HEATR5A: variants seen among roughly 807,000 people sequenced by gnomAD.
The protein encoded by HEATR5A is HEAT repeat-containing protein 5A.
Under a neutral mutation model 218.8 loss-of-function variants are expected in HEATR5A, and 178 were observed. That is an observed-to-expected ratio of 0.81 (90% CI 0.72 to 0.92). HEATR5A has a LOEUF of 0.92. Among genes scored for constraint, HEATR5A ranks in the 40% least tolerant of loss-of-function variants. HEATR5A has a pLI of 0.00. For missense variants in HEATR5A, 2,420 were observed against 2,418.9 expected, an observed-to-expected ratio of 1.00 and a Z score of -0.01; for synonymous variants, 864 against 871.6, an observed-to-expected ratio of 0.99 and a Z score of 0.15.
chr14:31,338,623 G>A (rs1481560046), intron 21 of HEATR5A, among the ~76,000 whole-genome samples: 6 of 152,040 alleles, frequency 3.9e-5, no homozygotes, highest in Admixed American at 3.9e-4. Flanking sequence ...AGATCAGTCT[G>A]GTATGTTCTA....
chr14:31,415,143 C>T (rs1259160578), intron 1 of HEATR5A, among the ~76,000 whole-genome samples: 8 of 152,112 alleles, frequency 5.3e-5, no homozygotes, highest in Non-Finnish European at 1.2e-4. Flanking sequence ...CGGCTGGTTC[C>T]TACTTTTAAT....
At chr14:31,385,160 C>A (rs774275084) in intron 9 of HEATR5A, among the ~76,000 whole-genome samples, 2 of 152,208 alleles carry the variant, frequency 1.3e-5, no homozygotes, top group Non-Finnish European at 2.9e-5. Flanking sequence ...GGGTCTCACT[C>A]TGTCACCCAG....
At chr14:31,407,226 G>A (rs2031101916) in intron 1 of HEATR5A, among the ~76,000 whole-genome samples, 1 of 152,148 alleles carries the variant, frequency 6.6e-6, no homozygotes, top group South Asian at 2.1e-4. Context: ...AGGAGGTTGA[G>A]GCAACAGCAA....
chr14:31,419,818 G>A (rs762352827), intron 1 of HEATR5A, among the ~76,000 whole-genome samples: 1 of 152,248 alleles, frequency 6.6e-6, no homozygotes, highest in Non-Finnish European at 1.5e-5. Context: ...AGAGTAGGGT[G>A]AAAGAAAATG....
intron 6 of HEATR5A, among the ~76,000 whole-genome samples, chr14:31,392,927 G>A (rs1004160269): frequency 2.0e-5 from 3 of 152,238 alleles, no homozygotes; most frequent in Non-Finnish European, 4.4e-5. Context: ...GGCGGAGAAA[G>A]TAGTAAGCTG....
chr14:31,420,248 C>T (rs2031603212), intron 1 of HEATR5A: 1 of 152,482 alleles, frequency 6.6e-6, no homozygotes, highest in Admixed American at 6.5e-5. Flanking sequence ...TCAGCCCCTT[C>T]TCGGCGGACT....
chr14:31,404,288 C>T (rs1008194549), intron 1 of HEATR5A, among the ~76,000 whole-genome samples: 6 of 152,122 alleles, frequency 3.9e-5, no homozygotes, highest in African/African-American at 1.2e-4. Context: ...AGATAAAATG[C>T]TATGGCTAAT....
At chr14:31,418,101 G>A (rs1449845879) in intron 1 of HEATR5A, among the ~76,000 whole-genome samples, 2 of 151,694 alleles carry the variant, frequency 1.3e-5, no homozygotes, top group South Asian at 4.2e-4. Flanking sequence ...CCAGCTACTC[G>A]GGAGGCTAAG....
intron 21 of HEATR5A, among the ~76,000 whole-genome samples, chr14:31,341,857 C>T (rs936223099): frequency 3.9e-5 from 6 of 151,996 alleles, no homozygotes; most frequent in Admixed American, 2.6e-4. Flanking sequence ...GGCAGTATCA[C>T]TTAATTTAAA....
chr14:31,408,562 A>C (rs1203463378), intron 1 of HEATR5A, among the ~76,000 whole-genome samples: 1 of 152,002 alleles, frequency 6.6e-6, no homozygotes, highest in Non-Finnish European at 1.5e-5. Flanking sequence ...GAACTATATG[A>C]AACTGCCATT....
chr14:31,316,543 T>C (rs1899919176), intron 26 of HEATR5A, among the ~76,000 whole-genome samples: 1 of 152,224 alleles, frequency 6.6e-6, no homozygotes, highest in African/African-American at 2.4e-5. Flanking sequence ...GATGTATTAA[T>C]ATGGAGAAAT....
chr14:31,349,235 C>T (rs1321122277), intron 18 of HEATR5A, among the ~76,000 whole-genome samples: 1 of 152,046 alleles, frequency 6.6e-6, no homozygotes, highest in African/African-American at 2.4e-5. Flanking sequence ...TAAAAAAATA[C>T]AAAAAGTAGC....
chr14:31,320,647 C>T (rs1900066911), intron 25 of HEATR5A: 2 of 640,716 alleles, frequency 3.1e-6, no homozygotes, highest in Admixed American at 4.0e-5. Flanking sequence ...TTTCAGTCTC[C>T]CAGCTTTAGC....
intron 1 of HEATR5A, among the ~76,000 whole-genome samples, chr14:31,411,446 T>C (rs2031268727): frequency 6.6e-6 from 1 of 152,028 alleles, no homozygotes; most frequent in African/African-American, 2.4e-5. Context: ...AAACTACGAG[T>C]GCAGAAGTTT....
chr14:31,375,287 T>C (rs1902185343), intron 11 of HEATR5A, among the ~76,000 whole-genome samples: 1 of 152,210 alleles, frequency 6.6e-6, no homozygotes, highest in Non-Finnish European at 1.5e-5. Flanking sequence ...TGCTTGTCTT[T>C]AAGGGCTTGT....
At chr14:31,395,556 A>T (rs1351548291) in intron 4 of HEATR5A, among the ~76,000 whole-genome samples, 3 of 152,200 alleles carry the variant, frequency 2.0e-5, no homozygotes, top group Non-Finnish European at 4.4e-5. Flanking sequence ...CATGATACAA[A>T]TTTCACAGGG....
intron 33 of HEATR5A, among the ~76,000 whole-genome samples, chr14:31,299,408 A>G (rs1447831803): frequency 6.6e-6 from 1 of 152,186 alleles, no homozygotes; most frequent in African/African-American, 2.4e-5. Context: ...AAATCCAAGC[A>G]TATTACTTTC....
At chr14:31,390,841 T>C (rs1285668930) in intron 6 of HEATR5A, among the ~76,000 whole-genome samples, 1 of 150,460 alleles carries the variant, frequency 6.6e-6, no homozygotes, top group Non-Finnish European at 1.5e-5. Flanking sequence ...TATTTTAAAA[T>C]ATACTCTTAT....
rs952554807 is a variant in HEATR5A at position 31,350,710 on chromosome 14, T to C, written c.2419A>G (p.Ile807Val). Reference sequence around the variant, plus strand: ...ATACTGTCCAAAAGCTGTTCCAATATAAGAAGCCTACAATCAGAAATAACA... The same window carrying C: ...ATACTGTCCAAAAGCTGTTCCAATACAAGAAGCCTACAATCAGAAATAACA... Reference protein sequence around the residue: ...AHVGETQRLLILEQLLDSIKH... With the variant: ...AHVGETQRLLVLEQLLDSIKH... The change falls in exon 17 of 36, where the codon ATA (isoleucine) becomes GTA (valine). Residue 807 changes from isoleucine (I) to valine (V), a missense_variant. Coordinates refer to ENST00000543095, the MANE Select transcript of HEATR5A (RefSeq NM_015473.4). 1 of 1,512,760 alleles carries C rather than the reference T, an allele frequency of 6.6e-7. No individual in the cohort carries two copies. The highest frequency in any genetic ancestry group is 9.1e-7 in the Non-Finnish European group (1 of 1,100,254). The allele number at this position is 1,512,760 out of a possible 1,614,324, so 93.7% of individuals were successfully genotyped here.
Sources: allele counts gnomAD v4.1 joint callset (sites outside exome capture counted in the v4.1 genomes callset), GRCh38; gene constraint gnomAD v4.1.1; transcripts MANE v1.5; gene names NCBI Gene and HGNC (gene_info 2026-07-23, HGNC 2026-07-21).